Variants in ROS1 observed in about 807,000 individuals in gnomAD.
ROS1 encodes ROS proto-oncogene 1, receptor tyrosine kinase, also known as proto-oncogene tyrosine-protein kinase ROS.
Under a neutral mutation model 273.5 loss-of-function variants are expected in ROS1, and 263 were observed. The observed-to-expected ratio is 0.96, with a 90% CI of 0.87 to 1.06. ROS1 has a LOEUF of 1.06. Ranked by LOEUF, ROS1 falls within the 50% of genes least tolerant of loss-of-function variation. ROS1 has a pLI of 0.00. For missense variants in ROS1, 2,833 were observed against 2,751.1 expected (o/e 1.03, Z -0.67); for synonymous variants, 1,008 against 954.1 (o/e 1.06, Z -1.04).
intron 12 of ROS1, among the ~76,000 whole-genome samples, chr6:117,390,469 G>T (rs1172507997): frequency 1.3e-5 from 2 of 152,080 alleles, no homozygotes; most frequent in Non-Finnish European, 1.5e-5. Flanking sequence ...ATACTATATA[G>T]AAATCACATG....
At chr6:117,393,891 C>T (rs1017799042) in intron 11 of ROS1, among the ~76,000 whole-genome samples, 1 of 152,132 alleles carries the variant, frequency 6.6e-6, no homozygotes, top group Non-Finnish European at 1.5e-5. Context: ...CCACCACTAT[C>T]TTATAGAAGA....
chr6:117,385,900 C>A, intron 15 of ROS1, 39 bp from the exon 16 acceptor site: 1 of 1,550,690 alleles, frequency 6.4e-7, no homozygotes, highest in South Asian at 1.1e-5. Context: ...ATTTTTCATA[C>A]ATACCAACAA....
intron 25 of ROS1, among the ~76,000 whole-genome samples, chr6:117,357,545 G>A (rs1779424858): frequency 6.6e-6 from 1 of 152,136 alleles, no homozygotes; most frequent in Non-Finnish European, 1.5e-5. Flanking sequence ...GCATTCACTA[G>A]TATAAAAATC....
intron 42 of ROS1, among the ~76,000 whole-genome samples, chr6:117,305,654 C>T (rs1331902922): frequency 6.6e-5 from 10 of 152,090 alleles, no homozygotes; most frequent in Non-Finnish European, 1.3e-4. Context: ...AATAAAACTT[C>T]GGTTCTCAAA....
chr6:117,375,143 G>A (rs1458320134), intron 18 of ROS1, among the ~76,000 whole-genome samples: 2 of 152,212 alleles, frequency 1.3e-5, no homozygotes, highest in Non-Finnish European at 1.5e-5. Context: ...GGCATTCATA[G>A]CAACCTGGAT....
At chr6:117,419,119 A>AGT (rs1180932312) in intron 1 of ROS1, among the ~76,000 whole-genome samples, 1 of 152,172 alleles carries the variant, frequency 6.6e-6, no homozygotes, top group African/African-American at 2.4e-5. Context: ...GTACCCACAT[A>AGT]GTGTTCTGTG....
At chr6:117,416,459 A>C in intron 2 of ROS1, 142 bp from the exon 3 acceptor site, 2 of 631,060 alleles carry the variant, frequency 3.2e-6, no homozygotes. Context: ...AGGCCTCCAA[A>C]AGATCCAGGA....
Position 117,402,017 on chromosome 6 carries a change from C to T in ROS1, c.604+1122G>A, listed in dbSNP as rs141503918. 1.4e-4 allele frequency among the ~76,000 whole-genome samples: 21 copies of T among 152,274 alleles called. No homozygotes were observed. In the East Asian group the frequency reaches 4.1e-3, roughly 29 times the overall value. ...CCTACCAGTTCTTCCTGCTTCCTCC[C>T]ACACCCCAGAGTTCATTCTCCATAC... On this transcript the variant is annotated intron_variant, in intron 7 of 43. Coordinates refer to ENST00000368507, the MANE Select transcript of ROS1 (RefSeq NM_001378902.1).
Position 117,394,270 on chromosome 6 carries a change from G to T in ROS1, c.1083C>A (p.Asn361Lys), listed in dbSNP as rs1197516016. The T allele has an allele frequency of 1.2e-6, 2 of 1,610,660 alleles. No individual in the cohort carries two copies. Among genetic ancestry groups the T allele is most frequent in the Non-Finnish European group, 1.7e-6 (2 of 1,178,846 alleles). The change falls in exon 11 of 44, where the codon AAC becomes AAA. Residue 361 changes from asparagine to lysine, a missense_variant. Physicochemically the swap from Asn to Lys is moderately conservative, Grantham distance 94. Transcript: ENST00000368507. ...TTCTCAGGTCAGATACATCAGACAT[G>T]TTGGCAGCCTTCTTCGCCCATATGA... The part of the protein sequence containing the change: ...GTLIWAKKAA[N>K]MSDVSDLRIF...
At chr6:117,318,107 A>G in intron 38 of ROS1, 81 bp downstream of exon 38, 1 of 962,212 alleles carries the variant, frequency 1.0e-6, no homozygotes, top group Non-Finnish European at 1.7e-6. Context: ...CCGTTAAGTC[A>G]TGTCATTTTG....
intron 43 of ROS1, among the ~76,000 whole-genome samples, chr6:117,294,079 C>A (rs1443479459): frequency 6.6e-6 from 1 of 152,074 alleles, no homozygotes; most frequent in Non-Finnish European, 1.5e-5. Context: ...TCAGCAGAGG[C>A]AGAAAAGGCA....
intron 42 of ROS1, 134 bp downstream of exon 42, chr6:117,308,659 TA>T: frequency 1.3e-6 from 1 of 753,682 alleles, no homozygotes. Flanking sequence ...AATGAATTGA[TA>T]TTTTATGTGG....
intron 26 of ROS1, among the ~76,000 whole-genome samples, chr6:117,355,270 A>C (rs1360022367): frequency 6.6e-6 from 1 of 152,222 alleles, no homozygotes; most frequent in Non-Finnish European, 1.5e-5. Context: ...ATAACTAAGG[A>C]GGAATCATTC....
rs2128549760 is a variant in ROS1, at chr6:117,311,034, C to T, written c.6201G>A (p.Met2067Ile). The change falls in exon 40 of 44, where the codon ATG (methionine) becomes ATA (isoleucine). Residue 2067 changes from methionine (M) to isoleucine (I), a missense_variant. Coordinates refer to ENST00000368507, the MANE Select transcript of ROS1 (RefSeq NM_001378902.1). The stretch of plus-strand genomic sequence containing the variant: ...GAGAATTGTACCTGTGAATGAAATG[C>T]ATCCGTTCCAAGTAGACACAGCCTT... Reference protein sequence around the residue: ...ISKGCVYLERMHFIHRDLAAR... With the variant: ...ISKGCVYLERIHFIHRDLAAR... 1 of 1,607,018 alleles carries T rather than the reference C, an allele frequency of 6.2e-7. No homozygotes were observed. Among genetic ancestry groups the T allele is most frequent in the Non-Finnish European group, 8.5e-7 (1 of 1,175,232 alleles).
chr6:117,296,605 C>T (rs374317623), intron 43 of ROS1, among the ~76,000 whole-genome samples: 3 of 151,842 alleles, frequency 2.0e-5, no homozygotes, highest in Non-Finnish European at 2.9e-5. Flanking sequence ...AAAATCAAAA[C>T]GATTGAACCC....
intron 29 of ROS1, 60 bp from the exon 30 acceptor site, chr6:117,341,692 A>G: frequency 7.7e-7 from 1 of 1,301,006 alleles, no homozygotes; most frequent in South Asian, 1.2e-5. Context: ...GATGGAAAGA[A>G]GTAATGGAGT....
intron 2 of ROS1, among the ~76,000 whole-genome samples, chr6:117,418,030 T>A (rs563988156): frequency 6.6e-6 from 1 of 152,344 alleles, no homozygotes; most frequent in South Asian, 2.1e-4. Flanking sequence ...TTTTTCATTG[T>A]TAAGTTTCTA....
chr6:117,317,304 A>G (rs1032548572), intron 38 of ROS1, 32 bp from the exon 39 acceptor site: 2 of 1,599,610 alleles, frequency 1.3e-6, no homozygotes, highest in Admixed American at 3.5e-5. Flanking sequence ...GCTGGATGAT[A>G]TGACAGAAGC....
At chr6:117,341,038 T>C (rs1246308363) in intron 31 of ROS1, 97 bp downstream of exon 31, 6 of 758,476 alleles carry the variant, frequency 7.9e-6, no homozygotes, top group Non-Finnish European at 1.3e-5. Flanking sequence ...TTGTCAAATA[T>C]ATTGTTTATT....
Sources: gnomAD v4.1 joint callset for allele counts (sites outside exome capture counted in the v4.1 genomes callset) on GRCh38, gnomAD v4.1.1 for gene constraint, MANE v1.5 for transcripts, NCBI Gene and HGNC (gene_info 2026-07-23, HGNC 2026-07-21) for gene names.